EPHA6: variants seen among roughly 807,000 people sequenced by gnomAD.
EPHA6 encodes ephrin type-A receptor 6.
A neutral mutation model predicts 112.0 loss-of-function variants in EPHA6; 50 were observed. That is an observed-to-expected ratio of 0.45 (90% CI 0.36 to 0.56). The LOEUF (loss-of-function observed/expected upper bound fraction) is 0.56. Ranked by LOEUF, EPHA6 falls within the 20% of genes least tolerant of loss-of-function variation. EPHA6 has a pLI of 0.00. For synonymous variants in EPHA6, 529 were observed against 490.7 expected, an observed-to-expected ratio of 1.08 and a Z score of -1.03; for missense variants, 1,280 against 1,417.4, an observed-to-expected ratio of 0.90 and a Z score of 1.56.
At chr3:96,931,018 A>AAGAAAG (rs1553733279) in intron 2 of EPHA6, among the ~76,000 whole-genome samples, 1 of 84,562 alleles carries the variant, frequency 1.2e-5, no homozygotes, top group African/African-American at 4.2e-5. Flanking sequence ...AAAAAAAAAA[A>AAGAAAG]AAAGAAAAGC....
At chr3:96,964,724 GTTATAGAC>G (rs1480356658) in intron 2 of EPHA6, among the ~76,000 whole-genome samples, 4 of 152,060 alleles carry the variant, frequency 2.6e-5, no homozygotes, top group Non-Finnish European at 5.9e-5. Flanking sequence ...TCCGTTTCCA[GTTATAGAC>G]TTGCTAATTA....
chr3:97,685,757 T>C (rs2032198094), intron 14 of EPHA6, among the ~76,000 whole-genome samples: 1 of 152,152 alleles, frequency 6.6e-6, no homozygotes, highest in South Asian at 2.1e-4. Context: ...GAAGAACATA[T>C]ATTTGTAAAC....
chr3:97,054,739 C>T (rs1443970215), intron 3 of EPHA6, among the ~76,000 whole-genome samples: 1 of 151,740 alleles, frequency 6.6e-6, no homozygotes, highest in Non-Finnish European at 1.5e-5. Flanking sequence ...AAATGAAATC[C>T]TTTTCTAATT....
intron 14 of EPHA6, among the ~76,000 whole-genome samples, chr3:97,668,434 G>C (rs746349163): frequency 6.6e-6 from 1 of 152,098 alleles, no homozygotes; most frequent in Admixed American, 6.5e-5. Context: ...TGCTTGAACC[G>C]TTGGTTATTA....
chr3:97,359,697 G>C (rs2084270512), intron 5 of EPHA6, among the ~76,000 whole-genome samples: 2 of 152,002 alleles, frequency 1.3e-5, no homozygotes, highest in African/African-American at 4.8e-5. Flanking sequence ...GAATCTAATA[G>C]TGAGGTAAAT....
chr3:97,484,284 T>C (rs1221803446), intron 10 of EPHA6, among the ~76,000 whole-genome samples: 2 of 152,128 alleles, frequency 1.3e-5, no homozygotes, highest in African/African-American at 4.8e-5. Flanking sequence ...TTCTATAGTC[T>C]TTTTTTATAG....
intron 5 of EPHA6, among the ~76,000 whole-genome samples, chr3:97,261,139 A>AT (rs1207385795): frequency 6.6e-6 from 1 of 152,210 alleles, no homozygotes; most frequent in East Asian, 1.9e-4. Flanking sequence ...AGATGTACAA[A>AT]TAATGATTAG....
At chr3:97,131,690 G>A (rs2075626560) in intron 3 of EPHA6, among the ~76,000 whole-genome samples, 1 of 152,090 alleles carries the variant, frequency 6.6e-6, no homozygotes, top group Admixed American at 6.6e-5. Flanking sequence ...CAGGAAGTTG[G>A]CCACAGCAGA....
At chr3:96,889,821 C>T (rs968022626) in intron 2 of EPHA6, among the ~76,000 whole-genome samples, 1 of 152,052 alleles carries the variant, frequency 6.6e-6, no homozygotes, top group African/African-American at 2.4e-5. Flanking sequence ...AATATTGGTG[C>T]AGGGATAGAC....
intron 14 of EPHA6, among the ~76,000 whole-genome samples, chr3:97,638,868 A>T (rs1184787940): frequency 6.6e-6 from 1 of 152,148 alleles, no homozygotes; most frequent in Non-Finnish European, 1.5e-5. Flanking sequence ...ATGAAAAATA[A>T]GTTATTAAAG....
intron 9 of EPHA6, among the ~76,000 whole-genome samples, chr3:97,479,952 C>G (rs1212646979): frequency 3.3e-5 from 5 of 152,144 alleles, no homozygotes; most frequent in African/African-American, 4.8e-5. Flanking sequence ...CCACCTCCAC[C>G]TCCAAATTGC....
intron 11 of EPHA6, among the ~76,000 whole-genome samples, chr3:97,569,187 T>C (rs2093305256): frequency 6.6e-6 from 1 of 152,194 alleles, no homozygotes; most frequent in African/African-American, 2.4e-5. Flanking sequence ...AGGCACTGTG[T>C]TGCTATTATT....
At chr3:96,851,148 G>A (rs960149363) in intron 1 of EPHA6, among the ~76,000 whole-genome samples, 2 of 152,046 alleles carry the variant, frequency 1.3e-5, no homozygotes, top group African/African-American at 4.8e-5. Context: ...TTTTAAACTG[G>A]TGCTAATGCT....
At chr3:97,040,181 G>A (rs939600772) in intron 3 of EPHA6, among the ~76,000 whole-genome samples, 2 of 151,694 alleles carry the variant, frequency 1.3e-5, no homozygotes, top group African/African-American at 4.8e-5. Flanking sequence ...AATTATTGAT[G>A]TCCACTTGGA....
At chr3:97,462,886 A>G (rs2090935031) in intron 7 of EPHA6, among the ~76,000 whole-genome samples, 1 of 152,082 alleles carries the variant, frequency 6.6e-6, no homozygotes, top group Non-Finnish European at 1.5e-5. Context: ...GGGCTTTCTA[A>G]TTACCTTTGG....
At chr3:96,956,154 C>T (rs1432205093) in intron 2 of EPHA6, among the ~76,000 whole-genome samples, 1 of 152,152 alleles carries the variant, frequency 6.6e-6, no homozygotes, top group Admixed American at 6.5e-5. Flanking sequence ...AAGTATGAAT[C>T]TCTTCATAAG....
intron 3 of EPHA6, among the ~76,000 whole-genome samples, chr3:97,195,740 T>C (rs1321913171): frequency 1.3e-5 from 2 of 152,050 alleles, no homozygotes; most frequent in African/African-American, 4.8e-5. Context: ...CATATTTGAA[T>C]GATATTTTCA....
intron 14 of EPHA6, among the ~76,000 whole-genome samples, chr3:97,702,624 T>C (rs2107740173): frequency 6.6e-6 from 1 of 152,326 alleles, no homozygotes; most frequent in South Asian, 2.1e-4. Flanking sequence ...TGTTTGCATT[T>C]TTCTGTTATA....
At chr3:97,562,729 T>C (rs2093208920) in intron 11 of EPHA6, among the ~76,000 whole-genome samples, 1 of 152,138 alleles carries the variant, frequency 6.6e-6, no homozygotes, top group African/African-American at 2.4e-5. Context: ...CAAACAGCAT[T>C]GATGGTTCAA....
Sources: gnomAD v4.1 joint callset for allele counts (sites outside exome capture counted in the v4.1 genomes callset) on GRCh38, gnomAD v4.1.1 for gene constraint, MANE v1.5 for transcripts, NCBI Gene and HGNC (gene_info 2026-07-23, HGNC 2026-07-21) for gene names.